The following GRHL2 variants were observed in gnomAD, a reference collection of about 807,000 sequenced individuals.
The protein encoded by GRHL2 is grainyhead-like protein 2 homolog.
Under a neutral mutation model 83.8 loss-of-function variants are expected in GRHL2, and 21 were observed. That is an observed-to-expected ratio of 0.25 (90% CI 0.18 to 0.36). The LOEUF is 0.36. Among genes scored for constraint, GRHL2 ranks in the 10% least tolerant of loss-of-function variants. GRHL2 has a pLI of 1.00. For synonymous variants in GRHL2, 280 were observed against 278.9 expected (o/e 1.00, Z -0.04); for missense variants, 623 against 781.8 (o/e 0.80, Z 2.42).
intron 1 of GRHL2, among the ~76,000 whole-genome samples, chr8:101,526,922 T>G (rs1432194944): frequency 6.6e-6 from 1 of 152,218 alleles, no homozygotes; most frequent in African/African-American, 2.4e-5. Flanking sequence ...CAAGTGAAAC[T>G]AGCACGTATT....
At chr8:101,531,537 C>T (rs10505010) in intron 1 of GRHL2, among the ~76,000 whole-genome samples, 63,704 of 151,870 alleles carry the variant, frequency 0.42, 14,599 homozygotes, top group Non-Finnish European at 0.51. Context: ...TAATCATTGT[C>T]AACATTTTAG....
intron 14 of GRHL2, among the ~76,000 whole-genome samples, chr8:101,663,614 AAAATAAATAAAT>A (rs147519589): frequency 3.0e-5 from 4 of 133,868 alleles, no homozygotes; most frequent in East Asian, 2.2e-4. Context: ...TCCATCTCAA[AAAATAAATAAAT>A]AAATAAATAA....
rs897927697 is a variant in GRHL2 at position 101,598,931 on chromosome 8, G to T, written c.1004-126G>T. On this transcript the variant is annotated intron_variant, in intron 7 of 15. Transcript: ENST00000646743. ...CATCAGTGAGCACCAGTCCTTAACTGTTAGCATGGAGATAGCCTGAAAAAT... is the reference window on the plus strand; with the variant it reads ...CATCAGTGAGCACCAGTCCTTAACTTTTAGCATGGAGATAGCCTGAAAAAT... 46 of 703,780 alleles carry T rather than the reference G, an allele frequency of 6.5e-5. No individual in the cohort carries two copies. The African/African-American group carries it at 7.6e-4, about 12-fold the overall frequency. 43.6% of individuals were successfully genotyped at this position (703,780 alleles called of 1,614,324 possible). A position where few individuals can be genotyped will look rare whatever the true frequency, so the allele number is the denominator to read the frequency against.
At chr8:101,627,700 G>A (rs890382199) in intron 9 of GRHL2, among the ~76,000 whole-genome samples, 3 of 152,060 alleles carry the variant, frequency 2.0e-5, no homozygotes, top group East Asian at 1.9e-4. Context: ...CTCTTTTATC[G>A]GTTAGCCAAC....
At chr8:101,501,042 C>T (rs1332827692) in intron 1 of GRHL2, among the ~76,000 whole-genome samples, 1 of 152,130 alleles carries the variant, frequency 6.6e-6, no homozygotes, top group East Asian at 1.9e-4. Flanking sequence ...ACATACAATA[C>T]TAATCAAATA....
At chr8:101,509,146 C>CTTTTCTTT (rs1437090523) in intron 1 of GRHL2, among the ~76,000 whole-genome samples, 3 of 67,104 alleles carry the variant, frequency 4.5e-5, no homozygotes, top group African/African-American at 1.3e-4. Context: ...TCCTTCCTTC[C>CTTTTCTTT]TTCCTTCCTT....
At chr8:101,642,218 A>C (rs1813416328) in intron 12 of GRHL2, among the ~76,000 whole-genome samples, 2 of 152,008 alleles carry the variant, frequency 1.3e-5, no homozygotes, top group South Asian at 4.1e-4. Context: ...AAACTTATTC[A>C]CTCCTACTGA....
At chr8:101,558,302 C>T in intron 3 of GRHL2, 117 bp from the exon 4 acceptor site, 1 of 1,239,788 alleles carries the variant, frequency 8.1e-7, no homozygotes, top group Non-Finnish European at 1.2e-6. Flanking sequence ...TGCCAGCCCC[C>T]TGTCCCTTAA....
chr8:101,539,117 A>G (rs1427153963), intron 1 of GRHL2, among the ~76,000 whole-genome samples: 2 of 152,182 alleles, frequency 1.3e-5, no homozygotes, highest in Non-Finnish European at 2.9e-5. Flanking sequence ...CCCTCCAGTG[A>G]ATCAGGACAC....
In GRHL2 at chr8:101,614,578, A is replaced by G. The variant is rs556410829; in HGVS notation, c.1099-4961A>G. Among the ~76,000 whole-genome samples, 9 of 152,224 alleles carry G rather than the reference A, an allele frequency of 5.9e-5. No individual in the cohort carries two copies. In the South Asian group the frequency reaches 1.9e-3, roughly 32 times the overall value. ...TGAAAAATAACTTTCTGTGCTTGAC[A>G]TTTGGATGAACATTTGGTAGAGGAA... On this transcript the variant is annotated intron_variant, in intron 8 of 15. Coordinates refer to ENST00000646743, the MANE Select transcript of GRHL2 (RefSeq NM_024915.4).
At chr8:101,642,455 A>C (rs1284179459) in intron 12 of GRHL2, among the ~76,000 whole-genome samples, 2 of 152,128 alleles carry the variant, frequency 1.3e-5, no homozygotes, top group Non-Finnish European at 2.9e-5. Context: ...ATTTCAGGCT[A>C]TTTACCTATG....
In GRHL2 at chr8:101,577,495, G is replaced by A. The variant is rs769715635; in HGVS notation, c.979G>A (p.Ala327Thr). 2 of 1,613,584 alleles carry A rather than the reference G, an allele frequency of 1.2e-6. No individual in the cohort carries two copies. The highest frequency in any genetic ancestry group is 1.7e-6 in the Non-Finnish European group (2 of 1,179,540). ...WKYWHSRQHT[A>T]KQRVLDIADY... ...ATACTGGCACTCTCGGCAGCATACG[G>A]CGAAGCAGAGGGTCCTTGACATTGG... The change falls in exon 7 of 16, where the codon GCG becomes ACG. Residue 327 changes from alanine (A) to threonine (T), a missense_variant. Physicochemically the swap from Ala to Thr is moderately conservative, Grantham distance 58. Transcript: ENST00000646743.
At chr8:101,554,100 A>T (rs1181886814) in intron 3 of GRHL2, among the ~76,000 whole-genome samples, 1 of 152,170 alleles carries the variant, frequency 6.6e-6, no homozygotes, top group Non-Finnish European at 1.5e-5. Context: ...TTGTGACATT[A>T]CAGTCTTCTG....
At chr8:101,681,195 AG>A in the GRHL2 span, among the ~76,000 whole-genome samples, 33,849 of 141,784 alleles carry the variant, frequency 0.24, 4,530 homozygotes, top group African/African-American at 0.32. Context: ...CTAATAAAGA[AG>A]AAAAGAGAGA....
At chr8:101,635,826 G>A (rs895181671) in intron 11 of GRHL2, among the ~76,000 whole-genome samples, 1 of 152,208 alleles carries the variant, frequency 6.6e-6, no homozygotes. Flanking sequence ...TGACTAGAAT[G>A]ACTCATTCCC....
intron 4 of GRHL2, chr8:101,562,500 G>T (rs746565062): frequency 4.4e-5 from 13 of 292,758 alleles, no homozygotes; most frequent in Non-Finnish European, 7.6e-5. Flanking sequence ...TTGAACCCGT[G>T]TGGGTCCCCA....
chr8:101,616,693 A>C (rs1195640284), intron 8 of GRHL2, among the ~76,000 whole-genome samples: 1 of 152,060 alleles, frequency 6.6e-6, no homozygotes, highest in Admixed American at 6.5e-5. Context: ...CTGTACACAC[A>C]ACACAGAGGA....
chr8:101,677,975 C>T, the GRHL2 span, among the ~76,000 whole-genome samples: 5 of 152,256 alleles, frequency 3.3e-5, no homozygotes, highest in South Asian at 8.3e-4. Context: ...ACTTACAAAA[C>T]ATAAGACTCA....
intron 7 of GRHL2, among the ~76,000 whole-genome samples, chr8:101,595,454 C>T (rs1812372996): frequency 6.6e-6 from 1 of 152,110 alleles, no homozygotes; most frequent in South Asian, 2.1e-4. Context: ...TTTTACAATT[C>T]ACCTAAAGGC....
Sources: allele counts gnomAD v4.1 joint callset (sites outside exome capture counted in the v4.1 genomes callset), GRCh38; gene constraint gnomAD v4.1.1; transcripts MANE v1.5; gene names NCBI Gene and HGNC (gene_info 2026-07-23, HGNC 2026-07-21).